Variants in ZNF821 observed in about 807,000 individuals in gnomAD.
ZNF821 encodes the protein zinc finger protein 821.
ZNF821 carries 16 observed loss-of-function variants against 44.3 expected under a neutral mutation model. The observed-to-expected ratio is 0.36, with a 90% CI of 0.24 to 0.55. ZNF821 has a LOEUF of 0.55. Ranked by LOEUF, ZNF821 falls within the 20% of genes least tolerant of loss-of-function variation. The probability of loss-of-function intolerance (pLI) is 0.86; values close to 1 mark genes in which losing one functional copy is unlikely to be tolerated. For missense variants in ZNF821, 436 were observed against 547.6 expected (o/e 0.80, Z 2.03); for synonymous variants, 204 against 197.6 (o/e 1.03, Z -0.27).
chr16:71,869,664 G>T (rs906935079), intron 3 of ZNF821, among the ~76,000 whole-genome samples: 2 of 152,010 alleles, frequency 1.3e-5, no homozygotes, highest in East Asian at 1.9e-4. Flanking sequence ...TTGAGACAGG[G>T]TCTCATTCTC....
chr16:71,877,747 C>A (rs543477046), intron 3 of ZNF821, among the ~76,000 whole-genome samples: 2 of 151,062 alleles, frequency 1.3e-5, no homozygotes, highest in Admixed American at 1.3e-4. Context: ...GGTGAAACCC[C>A]GTCTCTACAA....
At chr16:71,882,642 G>C (rs566145411) in intron 2 of ZNF821, among the ~76,000 whole-genome samples, 16 of 152,278 alleles carry the variant, frequency 1.1e-4, no homozygotes, top group Middle Eastern at 3.4e-3. Context: ...GAGTGATCAA[G>C]AGAAAAATAA....
intron 4 of ZNF821, among the ~76,000 whole-genome samples, chr16:71,865,610 T>C (rs980526135): frequency 9.9e-5 from 15 of 152,216 alleles, no homozygotes; most frequent in Admixed American, 9.2e-4. Flanking sequence ...TGTCACTTTA[T>C]AGGGAAAGGG....
chr16:71,866,785 G>T (rs768721488), intron 4 of ZNF821, among the ~76,000 whole-genome samples: 1 of 152,118 alleles, frequency 6.6e-6, no homozygotes, highest in Admixed American at 6.6e-5. Flanking sequence ...GCAATTAATT[G>T]CTAAGTTATT....
At chr16:71,867,510 A>T (rs2034682830) in intron 4 of ZNF821, among the ~76,000 whole-genome samples, 1 of 152,082 alleles carries the variant, frequency 6.6e-6, no homozygotes, top group Non-Finnish European at 1.5e-5. Context: ...AACATGGAGA[A>T]ACCCCGTCTC....
At chr16:71,893,289 A>G (rs987894325) in intron 1 of ZNF821, among the ~76,000 whole-genome samples, 3 of 151,566 alleles carry the variant, frequency 2.0e-5, no homozygotes, top group African/African-American at 7.3e-5. Flanking sequence ...GGCCTCCCAA[A>G]GTGCTGGGAT....
intron 1 of ZNF821, among the ~76,000 whole-genome samples, chr16:71,890,169 T>C (rs1226904815): frequency 6.6e-6 from 1 of 152,182 alleles, no homozygotes; most frequent in Admixed American, 6.6e-5. Flanking sequence ...ACAAGTGATC[T>C]TGATTTTTTT....
intron 2 of ZNF821, chr16:71,880,564 G>C (rs936858506): frequency 2.6e-5 from 4 of 152,242 alleles, no homozygotes; most frequent in Admixed American, 2.6e-4. Flanking sequence ...AATGAGAACA[G>C]CATGGGAAAT....
upstream of ZNF821, among the ~76,000 whole-genome samples, chr16:71,885,644 T>C (rs2036822279): frequency 6.6e-6 from 1 of 152,218 alleles, no homozygotes; most frequent in African/African-American, 2.4e-5. Flanking sequence ...TTTTATGAGA[T>C]GATCTCATTG....
upstream of ZNF821, among the ~76,000 whole-genome samples, chr16:71,887,880 A>G (rs4788572): frequency 0.35 from 49,416 of 143,158 alleles, 8,998 homozygotes; most frequent in East Asian, 0.67. Context: ...TTTTGGAATC[A>G]GGGTCTCACT....
rs528506250 is a variant in ZNF821, at chr16:71,865,608, T to C, written c.167-560A>G. Among the ~76,000 whole-genome samples the C allele has an allele frequency of 9.8e-5, 15 of 152,306 alleles. No individual in the cohort carries two copies. In the South Asian group the frequency reaches 2.7e-3, roughly 27 times the overall value. ...AAATGAGTTTGAAATGATGTCACTT[T>C]ATAGGGAAAGGGCTGCTCATTACAG... On this transcript the variant is annotated intron_variant, in intron 4 of 7. Transcript: ENST00000425432.
intron 2 of ZNF821, 105 bp from the exon 3 acceptor site, chr16:71,880,128 T>A: frequency 2.0e-6 from 1 of 489,082 alleles, no homozygotes; most frequent in Non-Finnish European, 3.6e-6. Flanking sequence ...CATATAAAAC[T>A]CACCAGTTAT....
chr16:71,876,264 C>T (rs2035804996), intron 3 of ZNF821, among the ~76,000 whole-genome samples: 1 of 152,102 alleles, frequency 6.6e-6, no homozygotes, highest in Non-Finnish European at 1.5e-5. Context: ...AGTGCAGTGG[C>T]ACTATCTCGG....
intron 3 of ZNF821, among the ~76,000 whole-genome samples, chr16:71,877,962 T>A (rs1411003045): frequency 2.0e-5 from 3 of 147,294 alleles, no homozygotes; most frequent in Non-Finnish European, 4.5e-5. Context: ...AAAATATATA[T>A]AAATATATAT....
At chr16:71,892,674 C>T (rs899875351) in intron 1 of ZNF821, among the ~76,000 whole-genome samples, 28 of 150,322 alleles carry the variant, frequency 1.9e-4, no homozygotes, top group South Asian at 8.4e-4. Flanking sequence ...CCGGTTCAAG[C>T]GATTCTCTTG....
At chr16:71,886,875 A>G (rs1016560215), upstream of ZNF821, among the ~76,000 whole-genome samples, 1 of 152,144 alleles carries the variant, frequency 6.6e-6, no homozygotes, top group Non-Finnish European at 1.5e-5. Context: ...GTCTGTGTGG[A>G]TTTGCCTATT....
At chr16:71,876,586 T>C (rs571315771) in intron 3 of ZNF821, among the ~76,000 whole-genome samples, 5 of 152,166 alleles carry the variant, frequency 3.3e-5, no homozygotes, top group African/African-American at 1.2e-4. Flanking sequence ...TACTTCATTT[T>C]TTTCTTTCTC....
intron 6 of ZNF821, among the ~76,000 whole-genome samples, chr16:71,863,259 T>C (rs2034121449): frequency 6.6e-6 from 1 of 152,148 alleles, no homozygotes; most frequent in Non-Finnish European, 1.5e-5. Context: ...TTAGTTTCTA[T>C]TTCACTATTT....
At chr16:71,879,384 C>A (rs568557519) in intron 3 of ZNF821, among the ~76,000 whole-genome samples, 2 of 152,152 alleles carry the variant, frequency 1.3e-5, no homozygotes, top group South Asian at 4.1e-4. Flanking sequence ...CCAGTTCAGG[C>A]GCATGGTCTA....
Sources: gnomAD v4.1 joint callset for allele counts (sites outside exome capture counted in the v4.1 genomes callset) on GRCh38, gnomAD v4.1.1 for gene constraint, MANE v1.5 for transcripts, NCBI Gene and HGNC (gene_info 2026-07-23, HGNC 2026-07-21) for gene names.